The following CCNI variants were observed in gnomAD, a reference collection of about 807,000 sequenced individuals.
The protein encoded by CCNI is cyclin I.
In CCNI, 14 loss-of-function variants were observed where a neutral mutation model predicts 34.1. That is an observed-to-expected ratio of 0.41 (90% CI 0.27 to 0.64). The LOEUF is 0.64. Ranked by LOEUF, CCNI falls within the 30% of genes least tolerant of loss-of-function variation. CCNI has a pLI of 0.31. For synonymous variants in CCNI, 154 were observed against 158.4 expected (o/e 0.97, Z 0.21); for missense variants, 385 against 440.5 (o/e 0.87, Z 1.13).
In CCNI at chr4:77,053,853, G is replaced by A. The variant is rs540508309; in HGVS notation, c.690+1297C>T. ...TGTCATATTATTCATTTAAATGGTG[G>A]TTTATCATAATTTCTAAAAATTCTA... On this transcript the variant is annotated intron_variant, in intron 6 of 6. Transcript: ENST00000237654. Among the ~76,000 whole-genome samples, 234 of 152,128 alleles carry A rather than the reference G, an allele frequency of 1.5e-3. 2 individuals are homozygous for A. The highest frequency in any genetic ancestry group is 5.5e-3 in the African/African-American group (229 of 41,494).
At chr4:77,068,417 G>A (rs77688923) in intron 1 of CCNI, among the ~76,000 whole-genome samples, 3,097 of 152,190 alleles carry the variant, frequency 0.02, 107 homozygotes, top group African/African-American at 0.07. Flanking sequence ...TAAAAGCCAC[G>A]TCTTTACATT....
intron 1 of CCNI, among the ~76,000 whole-genome samples, chr4:77,069,943 G>C (rs941202435): frequency 6.6e-6 from 1 of 151,138 alleles, no homozygotes; most frequent in Non-Finnish European, 1.5e-5. Flanking sequence ...TGAAAACTTC[G>C]ATAGCTCCTC....
intron 2 of CCNI, among the ~76,000 whole-genome samples, chr4:77,062,319 TACTGTA>T (rs1210898397): frequency 6.6e-6 from 1 of 152,210 alleles, no homozygotes; most frequent in Non-Finnish European, 1.5e-5. Flanking sequence ...GTAATCCCAG[TACTGTA>T]GGGGGCCAAG....
chr4:77,050,295 C>G (rs940781461), intron 6 of CCNI, among the ~76,000 whole-genome samples: 2 of 152,122 alleles, frequency 1.3e-5, no homozygotes, highest in African/African-American at 2.4e-5. Flanking sequence ...CTGGACATTT[C>G]TGTACCAAGT....
In CCNI at chr4:77,048,672, GAAA is replaced by G. The variant is rs372228783; in HGVS notation, c.691-13_691-11del. On this transcript the variant is annotated splice_polypyrimidine_tract_variant and intron_variant, in intron 6 of 6. Transcript: ENST00000237654. Reference sequence around the variant, plus strand: ...ACTGGGAGCTATCCATCTGGGCCAGGAAAAAAAAAAAGCCACACACAGTTGATC... The same window carrying G: ...ACTGGGAGCTATCCATCTGGGCCAGGAAAAAAAAGCCACACACAGTTGATC... 9.9e-6 allele frequency: 12 copies of G among 1,215,380 alleles called. No individual in the cohort carries two copies. Among genetic ancestry groups the G allele is most frequent in the Admixed American group, 5.4e-5 (2 of 36,762 alleles). 75.3% of individuals were successfully genotyped at this position (1,215,380 alleles called of 1,614,324 possible).
At chr4:77,053,187 A>G (rs1476167756) in intron 6 of CCNI, among the ~76,000 whole-genome samples, 2 of 152,136 alleles carry the variant, frequency 1.3e-5, no homozygotes, top group African/African-American at 4.8e-5. Context: ...TGTGTACAAG[A>G]TTTTCTTTGG....
Position 77,048,104 on chromosome 4 carries a change from A to T in CCNI, c.*115T>A. 1 of 642,534 alleles carries T rather than the reference A, an allele frequency of 1.6e-6. No homozygotes were observed. Among genetic ancestry groups the T allele is most frequent in the African/African-American group, 1.8e-5 (1 of 54,802 alleles). The allele number at this position is 642,534 out of a possible 1,614,324, so 39.8% of individuals were successfully genotyped here. ...GAGTTTTATTTTTTTTTTCTGGCTCACTCCAAATCAGCCTGTTAAGGTATA... is the reference window on the plus strand; with the variant it reads ...GAGTTTTATTTTTTTTTTCTGGCTCTCTCCAAATCAGCCTGTTAAGGTATA... On this transcript the variant is annotated 3_prime_UTR_variant, in exon 7 of 7. Transcript: ENST00000237654.
intron 2 of CCNI, among the ~76,000 whole-genome samples, chr4:77,061,149 T>C (rs985195301): frequency 3.3e-5 from 5 of 152,304 alleles, no homozygotes; most frequent in African/African-American, 1.2e-4. Flanking sequence ...CCAGCAATAA[T>C]TTTTTTAAAA....
rs935884216 is a variant in CCNI at position 77,075,685 on chromosome 4, T to G, written c.-257A>C. ...CTGGCGCTCGAGCGGGACGCACGGC[T>G]GCGGCCGCTGGGTCGGTCAGCGAAT... On this transcript the variant is annotated 5_prime_UTR_variant, in exon 1 of 7. Transcript: ENST00000237654. 8.1e-5 allele frequency: 39 copies of G among 481,090 alleles called. No individual in the cohort carries two copies. The highest frequency in any genetic ancestry group is 1.0e-4 in the Non-Finnish European group (38 of 368,314). The allele number at this position is 481,090 out of a possible 1,614,324, so 29.8% of individuals were successfully genotyped here. A position where few individuals can be genotyped will look rare whatever the true frequency, so the allele number is the denominator to read the frequency against.
At chr4:77,055,430 T>C in intron 5 of CCNI, 50 bp from the exon 6 acceptor site, 1 of 1,270,138 alleles carries the variant, frequency 7.9e-7, no homozygotes. Context: ...ATCTGGGAAA[T>C]TACATATAGA....
intron 6 of CCNI, among the ~76,000 whole-genome samples, chr4:77,052,486 G>A (rs1578233261): frequency 6.6e-6 from 1 of 152,090 alleles, no homozygotes; most frequent in African/African-American, 2.4e-5. Context: ...AGAGCTTAAG[G>A]GGGTGTAGTG....
chr4:77,067,539 G>A (rs980982294), intron 1 of CCNI, among the ~76,000 whole-genome samples: 15 of 152,080 alleles, frequency 9.9e-5, no homozygotes, highest in African/African-American at 3.6e-4. Context: ...TGTTGCCCAG[G>A]TTAGAGTACA....
Position 77,075,740 on chromosome 4 carries a change from C to G in CCNI, c.-312G>C, listed in dbSNP as rs1298582456. The G allele has an allele frequency of 5.3e-6, 1 of 189,336 alleles. No homozygotes were observed. Among genetic ancestry groups the G allele is most frequent in the East Asian group, 1.9e-4 (1 of 5,256 alleles). The allele number at this position is 189,336 out of a possible 1,614,324, so 11.7% of individuals were successfully genotyped here. A position where few individuals can be genotyped will look rare whatever the true frequency, so the allele number is the denominator to read the frequency against. On this transcript the variant is annotated 5_prime_UTR_variant, in exon 1 of 7. Coordinates refer to ENST00000237654, the MANE Select transcript of CCNI (RefSeq NM_006835.3). ...TCCATGATGACCCCCGGCCTGAGGCCGCCGCCGCTCGAGCCCGGGTTGGGA... is the reference window on the plus strand; with the variant it reads ...TCCATGATGACCCCCGGCCTGAGGCGGCCGCCGCTCGAGCCCGGGTTGGGA...
At chr4:77,065,255 G>A (rs4252831) in intron 2 of CCNI, among the ~76,000 whole-genome samples, 21,026 of 152,098 alleles carry the variant, frequency 0.14, 1,802 homozygotes, top group African/African-American at 0.24. Flanking sequence ...AACAACACAC[G>A]AGGAACTTAC....
chr4:77,062,134 A>C (rs1258035991), intron 2 of CCNI, among the ~76,000 whole-genome samples: 1 of 148,808 alleles, frequency 6.7e-6, no homozygotes, highest in Non-Finnish European at 1.5e-5. Context: ...CTTCTCTCTC[A>C]CCTGCCTTAT....
At chr4:77,053,947 A>G (rs1248062612) in intron 6 of CCNI, among the ~76,000 whole-genome samples, 3 of 152,144 alleles carry the variant, frequency 2.0e-5, no homozygotes, top group African/African-American at 7.2e-5. Flanking sequence ...GACAATTAAG[A>G]TATCCCTTCA....
chr4:77,056,502 GGAAA>G (rs1415345463), intron 3 of CCNI, 179 bp from the exon 4 acceptor site: 2 of 565,278 alleles, frequency 3.5e-6, no homozygotes, highest in Non-Finnish European at 6.4e-6. Flanking sequence ...TTTAAGAACA[GGAAA>G]GAAAGTTTAT....
intron 2 of CCNI, 49 bp from the exon 3 acceptor site, chr4:77,058,684 C>A: frequency 6.5e-7 from 1 of 1,543,956 alleles, no homozygotes; most frequent in South Asian, 1.1e-5. Context: ...GAGCTATCAT[C>A]AAGAGTATGT....
intron 2 of CCNI, among the ~76,000 whole-genome samples, chr4:77,062,181 C>T (rs1005320167): frequency 3.3e-5 from 5 of 152,166 alleles, no homozygotes; most frequent in East Asian, 1.9e-4. Context: ...TGTTACTCCC[C>T]GCCAGATACT....
Sources: allele counts gnomAD v4.1 joint callset (sites outside exome capture counted in the v4.1 genomes callset), GRCh38; gene constraint gnomAD v4.1.1; transcripts MANE v1.5; gene names NCBI Gene and HGNC (gene_info 2026-07-23, HGNC 2026-07-21).